ARL6IP5: variants seen among roughly 807,000 people sequenced by gnomAD.
ARL6IP5 encodes PRA1 family protein 3.
Under a neutral mutation model 13.0 loss-of-function variants are expected in ARL6IP5, and 6 were observed. The ratio of observed to expected loss-of-function variants is 0.46; its 90% CI spans 0.25 to 0.91. The LOEUF (loss-of-function observed/expected upper bound fraction) is 0.91, where lower values mean the gene tolerates loss of function less well. Ranked by LOEUF, ARL6IP5 falls within the 40% of genes least tolerant of loss-of-function variation. ARL6IP5 has a pLI of 0.17. For missense variants in ARL6IP5, 208 were observed against 248.8 expected, an observed-to-expected ratio of 0.84 and a Z score of 1.10; for synonymous variants, 91 against 91.9, an observed-to-expected ratio of 0.99 and a Z score of 0.06.
Position 69,105,555 on chromosome 3 carries a change from A to G in ARL6IP5, c.*919A>G, listed in dbSNP as rs1234383354. 1 of 152,240 alleles carries G rather than the reference A, an allele frequency of 6.6e-6. No homozygotes were observed. Among genetic ancestry groups the G allele is most frequent in the Admixed American group, 6.5e-5 (1 of 15,288 alleles). 9.4% of individuals were successfully genotyped at this position (152,240 alleles called of 1,614,324 possible). A position where few individuals can be genotyped will look rare whatever the true frequency, so the allele number is the denominator to read the frequency against. ...TTAGGGGCACAAGGAGGACAATAATAGCTGATCTTTTGAAATTTGAAAAAC... is the reference window on the plus strand; with the variant it reads ...TTAGGGGCACAAGGAGGACAATAATGGCTGATCTTTTGAAATTTGAAAAAC... On this transcript the variant is annotated 3_prime_UTR_variant, in exon 3 of 3. Transcript: ENST00000273258.
chr3:69,093,772 A>AC (rs71115649), intron 1 of ARL6IP5, among the ~76,000 whole-genome samples: 68,223 of 147,230 alleles, frequency 0.46, 16,100 homozygotes, highest in Admixed American at 0.52. Flanking sequence ...AAAAAAAAAA[A>AC]AAAAGAAAAG....
intron 1 of ARL6IP5, among the ~76,000 whole-genome samples, chr3:69,088,936 ACTT>A (rs2092256534): frequency 6.6e-6 from 1 of 152,184 alleles, no homozygotes; most frequent in Admixed American, 6.5e-5. Context: ...GTGGATGAAA[ACTT>A]CTTTGTGCTT....
intron 1 of ARL6IP5, among the ~76,000 whole-genome samples, chr3:69,094,462 G>T (rs1285496502): frequency 2.0e-5 from 3 of 152,120 alleles, no homozygotes; most frequent in African/African-American, 7.2e-5. Context: ...AAATGGTTGG[G>T]TGGGTTCATA....
rs114903864 is a variant in ARL6IP5, at chr3:69,092,506, G to C, written c.176+7283G>C. Among the ~76,000 whole-genome samples the C allele has an allele frequency of 2.3e-3, 354 of 152,264 alleles. 1 individual carries two copies. The highest frequency in any genetic ancestry group is 7.7e-3 in the African/African-American group (320 of 41,540). The stretch of plus-strand genomic sequence containing the variant: ...TGTTTTGTTAAGACAGAGTCTCTCT[G>C]CATCGCCCAAGCTGGATGCCATGGC... On this transcript the variant is annotated intron_variant, in intron 1 of 2. Transcript: ENST00000273258.
Position 69,101,914 on chromosome 3 carries a change from C to G in ARL6IP5, c.252C>G (p.Ala84=). The G allele has an allele frequency of 1.9e-6, 3 of 1,614,054 alleles. No homozygotes were observed. In the South Asian group the frequency reaches 3.3e-5, roughly 18 times the overall value. Residue 84 remains alanine (A), a synonymous_variant, in exon 2 of 3, where the codon GCC becomes GCG. Coordinates refer to ENST00000273258, the MANE Select transcript of ARL6IP5 (RefSeq NM_006407.4). ...VLVFTGFVWA[A]HNKDVLRRMK... ...TGTTCACAGGGTTTGTGTGGGCAGC[C>G]CACAATAAAGACGTCCTTCGCCGGA...
Position 69,104,534 on chromosome 3 carries a change from A to G in ARL6IP5, c.465A>G (p.Ile155Met). The change falls in exon 3 of 3, where the codon ATA (isoleucine) becomes ATG (methionine). Residue 155 changes from isoleucine (I) to methionine (M), a missense_variant. Physicochemically the swap from Ile to Met is conservative, Grantham distance 10 (BLOSUM62 1). Transcript: ENST00000273258. The stretch of plus-strand genomic sequence containing the variant: ...AACTGGAGAATAAAATGGAAGGAAT[A>G]GGTTTGAAGAGGACACCGATGGGCA... Reference protein sequence around the residue: ...KNKLENKMEGIGLKRTPMGIV... With the variant: ...KNKLENKMEGMGLKRTPMGIV... The G allele has an allele frequency of 6.2e-7, 1 of 1,614,068 alleles. No homozygotes were observed. The highest frequency in any genetic ancestry group is 8.5e-7 in the Non-Finnish European group (1 of 1,179,942).
rs2092307169 is a variant in ARL6IP5 at position 69,101,991 on chromosome 3, A to G, written c.329A>G (p.Tyr110Cys). The change falls in exon 2 of 3, where the codon TAT becomes TGT. Residue 110 changes from tyrosine (Y) to cysteine (C), a missense_variant. Physicochemically the swap from Tyr to Cys is radical, Grantham distance 194. Transcript: ENST00000273258. ...GTTATGGTGGTCATGTTGGCGAGCT[A>G]TTTCCTTATCTCCATGTTTGGAGGA... ...TFVMVVMLAS[Y>C]FLISMFGGVM... The G allele has an allele frequency of 2.5e-6, 4 of 1,613,786 alleles. No homozygotes were observed. The highest frequency in any genetic ancestry group is 3.4e-6 in the Non-Finnish European group (4 of 1,179,952).
Position 69,102,015 on chromosome 3 carries a change from G to C in ARL6IP5, c.353G>C (p.Gly118Ala). 1 of 1,614,108 alleles carries C rather than the reference G, an allele frequency of 6.2e-7. No homozygotes were observed. The highest frequency in any genetic ancestry group is 2.2e-5 in the East Asian group (1 of 44,870). ...TATTTCCTTATCTCCATGTTTGGAG[G>C]AGTCATGGTCTTTGTGTTTGGCATT... Reference protein sequence around the residue: ...ASYFLISMFGGVMVFVFGITF... With the variant: ...ASYFLISMFGAVMVFVFGITF... Residue 118 changes from glycine to alanine, a missense_variant, in exon 2 of 3, where the codon GGA becomes GCA. Gly to Ala is a moderately conservative substitution (Grantham distance 60, BLOSUM62 0). Transcript: ENST00000273258.
Position 69,103,746 on chromosome 3 carries a change from C to G in ARL6IP5, c.395-718C>G, listed in dbSNP as rs184563284. Among the ~76,000 whole-genome samples, 5 of 152,226 alleles carry G rather than the reference C, an allele frequency of 3.3e-5. No individual in the cohort carries two copies. In the East Asian group the frequency reaches 9.7e-4, roughly 29 times the overall value. On this transcript the variant is annotated intron_variant, in intron 2 of 2. Transcript: ENST00000273258. ...CAGGAATTTGCCTATTTAACAGGCT[C>G]TCCAGGTGATTTGAATGTACATGGA...
At position 69,101,927 on chromosome 3, in the gene ARL6IP5, G is replaced by C; in HGVS notation, c.265G>C (p.Val89Leu). 6.2e-7 allele frequency: 1 copy of C among 1,614,036 alleles called. No individual in the cohort carries two copies. Among genetic ancestry groups the C allele is most frequent in the Non-Finnish European group, 8.5e-7 (1 of 1,180,022 alleles). Residue 89 changes from valine to leucine, a missense_variant, in exon 2 of 3, where the codon GTC becomes CTC. Physicochemically the swap from Val to Leu is conservative, Grantham distance 32. Transcript: ENST00000273258. ...TGTGTGGGCAGCCCACAATAAAGACGTCCTTCGCCGGATGAAGAAGCGCTA... is the reference window on the plus strand; with the variant it reads ...TGTGTGGGCAGCCCACAATAAAGACCTCCTTCGCCGGATGAAGAAGCGCTA... Reference protein sequence around the residue: ...GFVWAAHNKDVLRRMKKRYPT... With the variant: ...GFVWAAHNKDLLRRMKKRYPT...
intron 1 of ARL6IP5, among the ~76,000 whole-genome samples, chr3:69,087,600 C>G (rs2092252470): frequency 1.3e-5 from 2 of 152,216 alleles, no homozygotes; most frequent in Non-Finnish European, 2.9e-5. Flanking sequence ...GGGGCCAGCC[C>G]TTTGACTAAA....
At chr3:69,091,115 T>C (rs1053521162) in intron 1 of ARL6IP5, among the ~76,000 whole-genome samples, 2 of 152,102 alleles carry the variant, frequency 1.3e-5, no homozygotes, top group Admixed American at 6.5e-5. Context: ...GGAGGATCTT[T>C]TGAGCGTGGG....
intron 2 of ARL6IP5, among the ~76,000 whole-genome samples, chr3:69,103,480 A>T (rs12639241): frequency 7.2e-5 from 11 of 151,940 alleles, no homozygotes; most frequent in Admixed American, 3.3e-4. Context: ...TACATTTCCC[A>T]GCCACATCTT....
intron 1 of ARL6IP5, among the ~76,000 whole-genome samples, chr3:69,085,461 G>C (rs374428242): frequency 2.6e-5 from 4 of 152,186 alleles, no homozygotes; most frequent in Non-Finnish European, 5.9e-5. Context: ...AAGAGGACGG[G>C]GAAAATTTGC....
At chr3:69,090,000 A>G (rs879488821) in intron 1 of ARL6IP5, 1 of 382,990 alleles carries the variant, frequency 2.6e-6, no homozygotes, top group Non-Finnish European at 5.1e-6. Context: ...TAAGTTTGAA[A>G]ACAGCATTAA....
chr3:69,101,876 G>A lies in ARL6IP5; in HGVS notation c.214G>A (p.Val72Met), dbSNP rs572858493. Residue 72 changes from valine to methionine, a missense_variant, in exon 2 of 3, where the codon GTG (valine) becomes ATG (methionine). Transcript: ENST00000273258. ...CTTCAACATGATCCTGGGAGGAATCGTGGTGGTGCTGGTGTTCACAGGGTT... is the reference window on the plus strand; with the variant it reads ...CTTCAACATGATCCTGGGAGGAATCATGGTGGTGCTGGTGTTCACAGGGTT... ...SPFNMILGGI[V>M]VVLVFTGFVW... The A allele has an allele frequency of 7.7e-5, 125 of 1,613,752 alleles. 1 individual carries two copies. The South Asian group carries it at 1.1e-3, about 14-fold the overall frequency.
chr3:69,092,934 C>T (rs562171620), intron 1 of ARL6IP5, among the ~76,000 whole-genome samples: 3 of 151,702 alleles, frequency 2.0e-5, no homozygotes, highest in South Asian at 4.2e-4. Context: ...CCATGGGTTG[C>T]TAATTGTGAA....
At position 69,092,227 on chromosome 3, in the gene ARL6IP5, G is replaced by C. The variant is rs186879824; in HGVS notation, c.176+7004G>C. ...GGCCTTCCTTCTCGTTATGCAATTTGCTAAAGGAGACACCTGGAAGGCAGA... is the reference window on the plus strand; with the variant it reads ...GGCCTTCCTTCTCGTTATGCAATTTCCTAAAGGAGACACCTGGAAGGCAGA... On this transcript the variant is annotated intron_variant, in intron 1 of 2. Transcript: ENST00000273258. Among the ~76,000 whole-genome samples the C allele has an allele frequency of 2.6e-4, 39 of 152,298 alleles. No individual in the cohort carries two copies. The East Asian group carries it at 7.2e-3, about 28-fold the overall frequency.
chr3:69,100,864 T>G (rs1457001342), intron 1 of ARL6IP5, among the ~76,000 whole-genome samples: 2 of 151,768 alleles, frequency 1.3e-5, no homozygotes, highest in Non-Finnish European at 2.9e-5. Context: ...TAGAGAGCAG[T>G]GTGGACTGGA....
Sources: gnomAD v4.1 joint callset for allele counts (sites outside exome capture counted in the v4.1 genomes callset) on GRCh38, gnomAD v4.1.1 for gene constraint, MANE v1.5 for transcripts, NCBI Gene and HGNC (gene_info 2026-07-23, HGNC 2026-07-21) for gene names.